UTP6: variants seen among roughly 807,000 people sequenced by gnomAD.
UTP6 encodes U3 small nucleolar RNA-associated protein 6 homolog.
In UTP6, 60 loss-of-function variants were observed where a neutral mutation model predicts 96.5. That is an observed-to-expected ratio of 0.62 (90% CI 0.51 to 0.77). The LOEUF (loss-of-function observed/expected upper bound fraction) is 0.77, where lower values mean the gene tolerates loss of function less well. UTP6 is among the 30% of genes least tolerant of loss of function. The pLI is 0.00. For missense variants in UTP6, 637 were observed against 706.5 expected, an observed-to-expected ratio of 0.90 and a Z score of 1.12; for synonymous variants, 215 against 240.1, an observed-to-expected ratio of 0.90 and a Z score of 0.96.
chr17:31,887,235 C>T lies in UTP6; in HGVS notation c.621+1G>A, dbSNP rs1272961160. ...TGAGAATAAAATAATTAGAACCTTA[C>T]CACATCCATACTGGCTTTTTCAAAT... On this transcript the variant is annotated splice_donor_variant, in intron 8 of 18. Coordinates refer to ENST00000261708, the MANE Select transcript of UTP6 (RefSeq NM_018428.3). LOFTEE classifies it high-confidence loss of function. 6.2e-7 allele frequency: 1 copy of T among 1,613,300 alleles called. No homozygotes were observed. The highest frequency in any genetic ancestry group is 1.1e-5 in the South Asian group (1 of 91,066).
At chr17:31,869,042 C>T (rs902118313) in intron 16 of UTP6, among the ~76,000 whole-genome samples, 5 of 152,042 alleles carry the variant, frequency 3.3e-5, no homozygotes, top group Non-Finnish European at 5.9e-5. Context: ...ACCTGGGAGG[C>T]GGAGGCTGCA....
intron 16 of UTP6, among the ~76,000 whole-genome samples, chr17:31,872,512 A>C (rs903587085): frequency 2.0e-5 from 3 of 151,864 alleles, no homozygotes; most frequent in Non-Finnish European, 4.4e-5. Flanking sequence ...TACCAAAAAA[A>C]AAAAATGTTT....
chr17:31,873,569 G>A, intron 15 of UTP6, 82 bp from the exon 16 acceptor site: 1 of 1,602,656 alleles, frequency 6.2e-7, no homozygotes, highest in African/African-American at 1.3e-5. Context: ...ACCACCTGAG[G>A]CCACTCCATA....
intron 17 of UTP6, among the ~76,000 whole-genome samples, chr17:31,866,241 C>T (rs1449386324): frequency 4.1e-5 from 6 of 146,500 alleles, no homozygotes; most frequent in African/African-American, 7.6e-5. Context: ...GAGCCGAGAT[C>T]GCGCCACTAC....
intron 2 of UTP6, among the ~76,000 whole-genome samples, chr17:31,897,238 G>A (rs1024617131): frequency 1.3e-5 from 2 of 151,606 alleles, no homozygotes; most frequent in Non-Finnish European, 2.9e-5. Context: ...ATGAGTGCTC[G>A]CACCATTGCA....
At chr17:31,893,430 C>G (rs1229918157) in intron 4 of UTP6, among the ~76,000 whole-genome samples, 1 of 50,610 alleles carries the variant, frequency 2.0e-5, no homozygotes, top group Non-Finnish European at 4.1e-5. Flanking sequence ...GACTCCACCT[C>G]AAAAAAAAAA....
intron 16 of UTP6, among the ~76,000 whole-genome samples, chr17:31,869,607 C>T (rs1202637778): frequency 6.6e-6 from 1 of 152,224 alleles, no homozygotes. Flanking sequence ...ACCTCAGCCT[C>T]CTAAAGCACT....
At chr17:31,868,325 G>GTTTTTTTTTT (rs33960994) in intron 16 of UTP6, among the ~76,000 whole-genome samples, 93 of 90,480 alleles carry the variant, frequency 1.0e-3, no homozygotes, top group Non-Finnish European at 1.2e-3. Flanking sequence ...TAGTTTTTTG[G>GTTTTTTTTTT]TTTTTTTTTT....
At chr17:31,874,910 C>T (rs1333332307) in intron 14 of UTP6, among the ~76,000 whole-genome samples, 3 of 131,910 alleles carry the variant, frequency 2.3e-5, no homozygotes, top group African/African-American at 8.7e-5. Flanking sequence ...CCAGCCTGGA[C>T]AACAGAGCGA....
intron 13 of UTP6, among the ~76,000 whole-genome samples, chr17:31,875,623 G>A (rs1478894466): frequency 6.6e-6 from 1 of 152,020 alleles, no homozygotes; most frequent in Non-Finnish European, 1.5e-5. Flanking sequence ...AGGAGATCAA[G>A]ACCATCCCGG....
intron 6 of UTP6, among the ~76,000 whole-genome samples, chr17:31,889,761 G>A (rs750236731): frequency 2.4e-4 from 37 of 151,922 alleles, no homozygotes; most frequent in Non-Finnish European, 5.1e-4. Context: ...GCCTCCCAAA[G>A]TGCTAGGATT....
intron 10 of UTP6, among the ~76,000 whole-genome samples, chr17:31,883,617 AT>A (rs899043894): frequency 6.9e-4 from 100 of 145,350 alleles, no homozygotes; most frequent in Admixed American, 7.6e-4. Context: ...GCCTGGCTAG[AT>A]TTTTTTTTTT....
In UTP6 at chr17:31,865,400, C is replaced by T. The variant is rs1222419878; in HGVS notation, c.1602G>A (p.Glu534=). The change falls in exon 18 of 19, where the codon GAG becomes GAA. Residue 534 remains glutamate, a synonymous_variant. Transcript: ENST00000261708. ...CNMANIREYY[E]RALREFGSAD... is the part of the protein sequence containing the mutation. ...CGGATCCAAACTCTCTCAAAGCTCT[C>T]TCATAATATTCTCTTATGTTCGCCA... 3 of 1,613,978 alleles carry T rather than the reference C, an allele frequency of 1.9e-6. No individual in the cohort carries two copies. The highest frequency in any genetic ancestry group is 1.3e-5 in the African/African-American group (1 of 74,944).
At chr17:31,870,118 A>G in intron 16 of UTP6, among the ~76,000 whole-genome samples, 1 of 152,156 alleles carries the variant, frequency 6.6e-6, no homozygotes, top group East Asian at 1.9e-4. Context: ...ACTATTGTGA[A>G]TAGTGCTGTG....
At chr17:31,897,724 C>T (rs1904741015) in intron 2 of UTP6, among the ~76,000 whole-genome samples, 1 of 152,110 alleles carries the variant, frequency 6.6e-6, no homozygotes, top group Non-Finnish European at 1.5e-5. Flanking sequence ...GCTGGTATTA[C>T]AGCATGAGCC....
intron 2 of UTP6, among the ~76,000 whole-genome samples, chr17:31,898,325 AG>A (rs1356616047): frequency 6.6e-6 from 1 of 151,990 alleles, no homozygotes; most frequent in Non-Finnish European, 1.5e-5. Context: ...TCACCAGGTC[AG>A]GAGTTCAAGA....
intron 17 of UTP6, 66 bp from the exon 18 acceptor site, chr17:31,865,504 T>C: frequency 1.3e-6 from 2 of 1,487,440 alleles, no homozygotes; most frequent in Non-Finnish European, 9.3e-7. Context: ...ATTCCAACCA[T>C]ATTGTTAAGC....
chr17:31,862,166 T>C lies in UTP6; in HGVS notation c.*1193A>G, dbSNP rs1030040203. ...AAAATTGGCTGGGCGCGGTGGCGGG[T>C]GCCTGTAATCCCACCCAGCTGCTCG... is the stretch of plus-strand genomic sequence containing the variant. On this transcript the variant is annotated 3_prime_UTR_variant, in exon 19 of 19. Transcript: ENST00000261708. 30 of 151,836 alleles carry C rather than the reference T, an allele frequency of 2.0e-4. No individual in the cohort carries two copies. The highest frequency in any genetic ancestry group is 2.0e-3 in the Admixed American group (30 of 15,214). The allele number at this position is 151,836 out of a possible 1,614,324, so 9.4% of individuals were successfully genotyped here. A position where few individuals can be genotyped will look rare whatever the true frequency, so the allele number is the denominator to read the frequency against.
At chr17:31,873,882 C>T in intron 14 of UTP6, 129 bp from the exon 15 acceptor site, 1 of 1,020,674 alleles carries the variant, frequency 9.8e-7, no homozygotes, top group East Asian at 2.8e-5. Context: ...GTCCTATGCT[C>T]TGAAAACTAG....
Sources: allele counts gnomAD v4.1 joint callset (sites outside exome capture counted in the v4.1 genomes callset), GRCh38; gene constraint gnomAD v4.1.1; transcripts MANE v1.5; gene names NCBI Gene and HGNC (gene_info 2026-07-23, HGNC 2026-07-21).